Variants in GLIS3 observed in about 807,000 individuals in gnomAD.
The protein encoded by GLIS3 is zinc finger protein GLIS3.
A neutral mutation model predicts 78.6 loss-of-function variants in GLIS3; 53 were observed. The ratio of observed to expected loss-of-function variants is 0.67; its 90% CI spans 0.54 to 0.85. GLIS3 has a LOEUF of 0.85. GLIS3 is among the 40% of genes least tolerant of loss of function. GLIS3 has a pLI of 0.00. For synonymous variants in GLIS3, 684 were observed against 509.9 expected (o/e 1.34, Z -4.60); for missense variants, 1,703 against 1,231.1 (o/e 1.38, Z -5.74).
chr9:4,312,929 C>T (rs903344749), intron 2 of GLIS3, among the ~76,000 whole-genome samples: 1 of 152,224 alleles, frequency 6.6e-6, no homozygotes, highest in South Asian at 2.1e-4. Flanking sequence ...AGGTTGGTAA[C>T]GTTAGCCCCA....
chr9:4,250,227 C>T (rs570028057), intron 2 of GLIS3, among the ~76,000 whole-genome samples: 5 of 152,252 alleles, frequency 3.3e-5, no homozygotes, highest in East Asian at 3.9e-4. Flanking sequence ...TGGTAAAATT[C>T]GGCTGTGAAT....
intron 2 of GLIS3, among the ~76,000 whole-genome samples, chr9:4,255,840 C>T (rs924938685): frequency 1.1e-4 from 16 of 151,626 alleles, no homozygotes; most frequent in African/African-American, 3.6e-4. Context: ...AAGAGTGAAC[C>T]CTAAGGTAAA....
chr9:3,959,189 A>G (rs1276603480), intron 4 of GLIS3, among the ~76,000 whole-genome samples: 1 of 152,204 alleles, frequency 6.6e-6, no homozygotes, highest in Non-Finnish European at 1.5e-5. Context: ...GCCCTCTTGA[A>G]TGGGATTAAT....
At chr9:4,405,384 GAAAA>G in the GLIS3 span, among the ~76,000 whole-genome samples, 1,024 of 150,646 alleles carry the variant, frequency 6.8e-3, 11 homozygotes, top group African/African-American at 0.024. Context: ...AAAGAAAAAA[GAAAA>G]AAGAAAGAAA....
rs755915190 is a variant in GLIS3 at position 4,118,440 on chromosome 9, C to G, written c.1038G>C (p.Glu346Asp). The change falls in exon 4 of 11, where the codon GAG becomes GAC. Residue 346 changes from glutamate to aspartate, a missense_variant. Physicochemically the swap from Glu to Asp is conservative, Grantham distance 45. Transcript: ENST00000381971. This position sits in a 1 kb window ranked among gnomAD's most constrained non-coding sequence, Gnocchi z 4.7. Reference sequence around the variant, plus strand: ...GCACGCCCAGGAAATGCCCGTAGACCTCCGGCTGCGGGGACAGGTTGGCCG... The same window carrying G: ...GCACGCCCAGGAAATGCCCGTAGACGTCCGGCTGCGGGGACAGGTTGGCCG... ...ASPANLSPQP[E>D]VYGHFLGVRG... 6.2e-7 allele frequency: 1 copy of G among 1,612,538 alleles called. No homozygotes were observed. The highest frequency in any genetic ancestry group is 8.5e-7 in the Non-Finnish European group (1 of 1,180,008).
chr9:4,479,493 C>T, the GLIS3 span, among the ~76,000 whole-genome samples: 2 of 152,286 alleles, frequency 1.3e-5, no homozygotes, highest in African/African-American at 4.8e-5. Context: ...TCAGCTACTG[C>T]TAGTAACAAA....
chr9:4,069,797 A>G (rs972977506), intron 4 of GLIS3, among the ~76,000 whole-genome samples: 113 of 152,186 alleles, frequency 7.4e-4, no homozygotes, highest in African/African-American at 2.5e-3. Flanking sequence ...AGATTTGGGA[A>G]TCATTCTAAA....
chr9:4,324,307 G>C (rs191074340), intron 2 of GLIS3, among the ~76,000 whole-genome samples: 205 of 152,300 alleles, frequency 1.3e-3, no homozygotes, highest in African/African-American at 4.7e-3. Context: ...CCTATAGGCA[G>C]AGGATGTGGA....
intron 2 of GLIS3, among the ~76,000 whole-genome samples, chr9:4,148,752 G>A (rs1224446233): frequency 6.6e-6 from 1 of 151,970 alleles, no homozygotes; most frequent in East Asian, 1.9e-4. Context: ...CAAGGAGGGT[G>A]GGATTGTATA....
At chr9:4,317,936 T>C (rs12001641) in intron 2 of GLIS3, among the ~76,000 whole-genome samples, 7,988 of 152,254 alleles carry the variant, frequency 0.052, 716 homozygotes, top group African/African-American at 0.18. Flanking sequence ...CCTTGTATGA[T>C]TGATGATAAA....
intron 2 of GLIS3, among the ~76,000 whole-genome samples, chr9:4,181,893 C>G (rs1028032547): frequency 6.6e-6 from 1 of 152,150 alleles, no homozygotes; most frequent in Non-Finnish European, 1.5e-5. Flanking sequence ...CCTATGCCAT[C>G]CAGCCCCAAC....
intron 8 of GLIS3, among the ~76,000 whole-genome samples, chr9:3,874,142 G>T (rs1479508171): frequency 2.0e-5 from 3 of 152,258 alleles, no homozygotes; most frequent in African/African-American, 7.2e-5. Context: ...CAACTGGAGA[G>T]ACCAAGGCAG....
At chr9:3,907,550 C>T (rs997958450) in intron 6 of GLIS3, among the ~76,000 whole-genome samples, 8 of 150,084 alleles carry the variant, frequency 5.3e-5, no homozygotes, top group South Asian at 2.1e-4. Flanking sequence ...TTGGTGTGTC[C>T]GTGCCCCAGT....
At chr9:4,475,585 C>A in the GLIS3 span, among the ~76,000 whole-genome samples, 1 of 152,188 alleles carries the variant, frequency 6.6e-6, no homozygotes, top group Admixed American at 6.5e-5. Flanking sequence ...AGGAAGATTT[C>A]TTTATAATAA....
chr9:4,139,051 G>C (rs1026862501), intron 2 of GLIS3, among the ~76,000 whole-genome samples: 10 of 152,138 alleles, frequency 6.6e-5, no homozygotes, highest in Admixed American at 3.9e-4. Context: ...GACCAGGCTG[G>C]GAAGAGCAAA....
chr9:4,192,679 A>C (rs142952262), intron 2 of GLIS3, among the ~76,000 whole-genome samples: 4 of 152,324 alleles, frequency 2.6e-5, no homozygotes, highest in Non-Finnish European at 4.4e-5. Flanking sequence ...TGAAGAGCCT[A>C]CTTTAGCAGG....
chr9:3,947,804 A>C (rs1816401172), intron 4 of GLIS3, among the ~76,000 whole-genome samples: 1 of 152,202 alleles, frequency 6.6e-6, no homozygotes, highest in Non-Finnish European at 1.5e-5. Context: ...TTCACTTTCA[A>C]ATGTAAAATT....
chr9:4,261,724 A>C (rs931607933), intron 2 of GLIS3, among the ~76,000 whole-genome samples: 1 of 152,188 alleles, frequency 6.6e-6, no homozygotes, highest in Non-Finnish European at 1.5e-5. Flanking sequence ...ATAAACCCGC[A>C]ATTTCACTAA....
rs151253965 is a variant in GLIS3 at position 4,178,570 on chromosome 9, G to C, written c.389-52629C>G. The stretch of plus-strand genomic sequence containing the variant: ...TGTTTCATGGTTTTGCCTAGGGCTT[G>C]ACCTACATATACCTTAGCTATTCCA... On this transcript the variant is annotated intron_variant, in intron 2 of 10. Transcript: ENST00000381971. Among the ~76,000 whole-genome samples the C allele has an allele frequency of 9.6e-4, 146 of 152,326 alleles. 1 individual carries two copies. The highest frequency in any genetic ancestry group is 1.5e-3 in the Admixed American group (23 of 15,298).
Sources: allele counts gnomAD v4.1 joint callset (sites outside exome capture counted in the v4.1 genomes callset), GRCh38; gene constraint gnomAD v4.1.1; non-coding constraint Gnocchi (gnomAD v3.1); transcripts MANE v1.5; gene names NCBI Gene and HGNC (gene_info 2026-07-23, HGNC 2026-07-21).